SLC2A5: variants seen among roughly 807,000 people sequenced by gnomAD.
The protein encoded by SLC2A5 is solute carrier family 2 member 5, also known as solute carrier family 2, facilitated glucose transporter member 5.
In SLC2A5, 56 loss-of-function variants were observed where a neutral mutation model predicts 50.3. That is an observed-to-expected ratio of 1.11 (90% CI 0.90 to 1.39). SLC2A5 has a LOEUF of 1.39. SLC2A5 is among the 40% of genes most tolerant of loss of function. The pLI is 0.00. For synonymous variants in SLC2A5, 269 were observed against 281.9 expected (o/e 0.95, Z 0.46); for missense variants, 566 against 650.1 (o/e 0.87, Z 1.41).
intron 1 of SLC2A5, among the ~76,000 whole-genome samples, chr1:9,059,132 CTTTCTTTTTTTTTTTTT>C (rs1641835963): frequency 2.5e-5 from 2 of 80,362 alleles, no homozygotes; most frequent in Admixed American, 1.7e-4. Flanking sequence ...AGCCGCCTTT[CTTTCTTTTTTTTTTTTT>C]TTTTTTTTTT....
intron 2 of SLC2A5, 124 bp from the exon 3 acceptor site, chr1:9,057,732 G>T: frequency 1.3e-6 from 1 of 775,002 alleles, no homozygotes. Flanking sequence ...TTAACCGGGG[G>T]GTGATGGGAG....
rs575053809 is a variant in SLC2A5 at position 9,051,568 on chromosome 1, G to A, written c.294-3834C>T. ...AAGGTGCACCACATGATGTGTTATAGGGGAAATGCAAATTAAACAATAAGG... is the reference window on the plus strand; with the variant it reads ...AAGGTGCACCACATGATGTGTTATAAGGGAAATGCAAATTAAACAATAAGG... On this transcript the variant is annotated intron_variant, in intron 3 of 11. Transcript: ENST00000377424. 5.0e-4 allele frequency among the ~76,000 whole-genome samples: 76 copies of A among 152,088 alleles called. 1 individual carries two copies. Among genetic ancestry groups the A allele is most frequent in the Non-Finnish European group, 6.9e-4 (47 of 68,010 alleles).
intron 10 of SLC2A5, 122 bp downstream of exon 10, chr1:9,038,309 G>T: frequency 1.3e-6 from 1 of 775,068 alleles, no homozygotes; most frequent in Non-Finnish European, 2.2e-6. Flanking sequence ...TGCGGTGGAC[G>T]GGGGAAGAGA....
intron 1 of SLC2A5, among the ~76,000 whole-genome samples, chr1:9,062,750 T>TA (rs2124432092): frequency 6.6e-6 from 1 of 151,992 alleles, no homozygotes; most frequent in East Asian, 1.9e-4. Flanking sequence ...CATATGCCTG[T>TA]AGTCCCAGCT....
chr1:9,056,347 G>A (rs1418016124), intron 3 of SLC2A5, among the ~76,000 whole-genome samples: 1 of 152,048 alleles, frequency 6.6e-6, no homozygotes, highest in Non-Finnish European at 1.5e-5. Flanking sequence ...ACCATGCCCG[G>A]CTAATTTTTG....
upstream of SLC2A5, among the ~76,000 whole-genome samples, chr1:9,074,465 A>C (rs138569222): frequency 5.3e-5 from 8 of 152,282 alleles, no homozygotes; most frequent in Middle Eastern, 6.8e-3. Flanking sequence ...ATCAGCAATT[A>C]CATGTCTGTC....
At chr1:9,068,239 A>T (rs1346194525) in intron 1 of SLC2A5, among the ~76,000 whole-genome samples, 1 of 151,084 alleles carries the variant, frequency 6.6e-6, no homozygotes, top group African/African-American at 2.4e-5. Flanking sequence ...AAGTAGTAAC[A>T]TTTACGGGGA....
chr1:9,040,037 G>A lies in SLC2A5; in HGVS notation c.697+27C>T, dbSNP rs761601855. ...CCAGGGCTGGGGAGCAGAACCTGGA[G>A]GCCGCCCCCGCCAGAGCCCTCGTTA... On this transcript the variant is annotated intron_variant, in intron 6 of 11. Transcript: ENST00000377424. The surrounding 1 kb of genome is among the most constrained non-coding windows in gnomAD (Gnocchi z 4.3). 3.8e-6 allele frequency: 6 copies of A among 1,583,986 alleles called. No homozygotes were observed. Among genetic ancestry groups the A allele is most frequent in the Non-Finnish European group, 5.2e-6 (6 of 1,161,664 alleles).
At chr1:9,044,910 T>C (rs1460137752) in intron 4 of SLC2A5, among the ~76,000 whole-genome samples, 1 of 152,184 alleles carries the variant, frequency 6.6e-6, no homozygotes, top group South Asian at 2.1e-4. Flanking sequence ...TGATCCACTT[T>C]GCTGACTTGC....
chr1:9,044,818 G>A (rs1183055019), intron 4 of SLC2A5, among the ~76,000 whole-genome samples: 1 of 152,156 alleles, frequency 6.6e-6, no homozygotes, highest in Admixed American at 6.5e-5. Flanking sequence ...GCTTCCTAAA[G>A]TGCTGGTATT....
chr1:9,048,377 T>C (rs1641488045), intron 3 of SLC2A5, among the ~76,000 whole-genome samples: 1 of 151,990 alleles, frequency 6.6e-6, no homozygotes, highest in Non-Finnish European at 1.5e-5. Flanking sequence ...GGCCCACTGG[T>C]GGCAGGTGCC....
chr1:9,076,974 A>G (rs1642290023), intron 2 of SLC2A5, among the ~76,000 whole-genome samples: 1 of 151,592 alleles, frequency 6.6e-6, no homozygotes, highest in Non-Finnish European at 1.5e-5. Context: ...TTTTTAGTAG[A>G]GATAGGGTTT....
At chr1:9,069,029 A>G (rs1171172016) in intron 1 of SLC2A5, among the ~76,000 whole-genome samples, 1 of 152,178 alleles carries the variant, frequency 6.6e-6, no homozygotes, top group Non-Finnish European at 1.5e-5. Flanking sequence ...AAGGCAGGAA[A>G]CCTACGTGAC....
chr1:9,085,982 G>C (rs1407009475), intron 1 of SLC2A5, among the ~76,000 whole-genome samples: 1 of 152,150 alleles, frequency 6.6e-6, no homozygotes, highest in African/African-American at 2.4e-5. Context: ...TCATTAACAG[G>C]TACTGCCCAA....
chr1:9,043,600 G>A (rs1226395054), intron 4 of SLC2A5, among the ~76,000 whole-genome samples: 2 of 152,094 alleles, frequency 1.3e-5, no homozygotes, highest in African/African-American at 4.8e-5. Context: ...AACCTCAGGA[G>A]GTTTGTGAAG....
At chr1:9,064,171 T>A (rs1381622674) in intron 1 of SLC2A5, among the ~76,000 whole-genome samples, 1 of 152,108 alleles carries the variant, frequency 6.6e-6, no homozygotes, top group Non-Finnish European at 1.5e-5. Flanking sequence ...GGTATTGAGA[T>A]ATATTCTCAA....
intron 1 of SLC2A5, among the ~76,000 whole-genome samples, chr1:9,061,898 G>A (rs1255447190): frequency 6.6e-6 from 1 of 152,210 alleles, no homozygotes; most frequent in African/African-American, 2.4e-5. Context: ...CAGCAAAAAT[G>A]ATCAGAGAGA....
chr1:9,068,061 A>C (rs1642128428), intron 1 of SLC2A5, among the ~76,000 whole-genome samples: 1 of 151,748 alleles, frequency 6.6e-6, no homozygotes, highest in South Asian at 2.1e-4. Context: ...GTGGTGGTGC[A>C]TGCCTGTAAT....
chr1:9,078,271 T>G (rs1642314783), intron 2 of SLC2A5, among the ~76,000 whole-genome samples: 1 of 152,120 alleles, frequency 6.6e-6, no homozygotes, highest in African/African-American at 2.4e-5. Flanking sequence ...TTCGGTGGGT[T>G]TTTGTGGCTT....
Sources: allele counts gnomAD v4.1 joint callset (sites outside exome capture counted in the v4.1 genomes callset), GRCh38; gene constraint gnomAD v4.1.1; non-coding constraint Gnocchi (gnomAD v3.1); transcripts MANE v1.5; gene names NCBI Gene and HGNC (gene_info 2026-07-23, HGNC 2026-07-21).